TMEM131L: variants seen among roughly 807,000 people sequenced by gnomAD.
TMEM131L encodes transmembrane protein 131-like.
A neutral mutation model predicts 192.2 loss-of-function variants in TMEM131L; 54 were observed. The ratio of observed to expected loss-of-function variants is 0.28; its 90% CI spans 0.23 to 0.35. TMEM131L has a LOEUF of 0.35. TMEM131L is among the 10% of genes least tolerant of loss of function. The pLI, the probability that TMEM131L is intolerant of heterozygous loss-of-function variation, is 1.00. For synonymous variants in TMEM131L, 701 were observed against 704.9 expected, an observed-to-expected ratio of 0.99 and a Z score of 0.09; for missense variants, 1,888 against 1,972.9, an observed-to-expected ratio of 0.96 and a Z score of 0.82.
At chr4:153,587,935 A>G (rs1730808918) in intron 15 of TMEM131L, 124 bp downstream of exon 15, 2 of 747,200 alleles carry the variant, frequency 2.7e-6, no homozygotes, top group Middle Eastern at 2.4e-4. Context: ...TATAGAGAGG[A>G]TGATCATTAA....
chr4:153,585,421 A>G (rs1478203618), intron 12 of TMEM131L, 37 bp from the exon 13 acceptor site: 1 of 1,607,482 alleles, frequency 6.2e-7, no homozygotes, highest in African/African-American at 1.3e-5. Context: ...GTTGTCCCAC[A>G]CTCAGGCCTG....
chr4:153,594,826 G>A (rs767500158), intron 19 of TMEM131L, among the ~76,000 whole-genome samples: 8 of 152,122 alleles, frequency 5.3e-5, no homozygotes, highest in Non-Finnish European at 7.4e-5. Context: ...TCTTGTTAGC[G>A]AGTCTGCCCC....
chr4:153,587,379 ATC>A (rs1419220910), intron 14 of TMEM131L, among the ~76,000 whole-genome samples: 1 of 151,996 alleles, frequency 6.6e-6, no homozygotes, highest in Admixed American at 6.5e-5. Context: ...GACTAATCTA[ATC>A]TTTTTTTTTT....
At chr4:153,550,428 G>A (rs1435007673) in intron 4 of TMEM131L, among the ~76,000 whole-genome samples, 1 of 151,982 alleles carries the variant, frequency 6.6e-6, no homozygotes, top group Non-Finnish European at 1.5e-5. Context: ...CCGGGTTTAC[G>A]CCATTCTCCT....
intron 3 of TMEM131L, among the ~76,000 whole-genome samples, chr4:153,526,558 C>A (rs1250635840): frequency 6.6e-6 from 1 of 151,984 alleles, no homozygotes; most frequent in Non-Finnish European, 1.5e-5. Flanking sequence ...CACGGTGAAA[C>A]CCCGTCTCTA....
chr4:153,600,368 GAAAA>G (rs34507956), intron 21 of TMEM131L, among the ~76,000 whole-genome samples: 10 of 125,750 alleles, frequency 8.0e-5, no homozygotes, highest in African/African-American at 3.0e-4. Context: ...CCCTGTCTCA[GAAAA>G]AAAAAAAAAA....
chr4:153,557,544 A>G (rs1728556531), intron 6 of TMEM131L, among the ~76,000 whole-genome samples: 1 of 152,186 alleles, frequency 6.6e-6, no homozygotes, highest in Admixed American at 6.5e-5. Flanking sequence ...TATTCATATC[A>G]AGGTACCAGG....
chr4:153,532,960 A>G (rs1736016081), intron 3 of TMEM131L, among the ~76,000 whole-genome samples: 1 of 149,134 alleles, frequency 6.7e-6, no homozygotes, highest in South Asian at 2.1e-4. Context: ...AGGTGGATTT[A>G]GGGATTCTCT....
At chr4:153,533,656 T>TG (rs1244599541) in intron 3 of TMEM131L, among the ~76,000 whole-genome samples, 1 of 152,218 alleles carries the variant, frequency 6.6e-6, no homozygotes, top group Non-Finnish European at 1.5e-5. Context: ...GTTACCAACT[T>TG]GGACCTCCTC....
At chr4:153,599,323 A>T (rs1230796560) in intron 21 of TMEM131L, among the ~76,000 whole-genome samples, 3 of 152,166 alleles carry the variant, frequency 2.0e-5, no homozygotes, top group Non-Finnish European at 4.4e-5. Flanking sequence ...CACCGCCATG[A>T]TCCATTGACC....
In TMEM131L at chr4:153,473,248, G is replaced by A. The variant is rs572692476; in HGVS notation, c.196-597G>A. On this transcript the variant is annotated intron_variant, in intron 2 of 34. Transcript: ENST00000409959. ...GCTGGGTCCTTACTGTGTGATAAGG[G>A]TGATAAGGAGTGAATGATATGAGGA... Among the ~76,000 whole-genome samples the A allele has an allele frequency of 1.3e-4, 20 of 152,346 alleles. No homozygotes were observed. The South Asian group carries it at 2.3e-3, about 17-fold the overall frequency.
At chr4:153,556,045 GT>G in intron 5 of TMEM131L, 135 bp downstream of exon 5, 1 of 478,994 alleles carries the variant, frequency 2.1e-6, no homozygotes, top group Non-Finnish European at 2.7e-6. Context: ...CCTTCTGTGT[GT>G]TTACCTTAGC....
At chr4:153,624,772 G>T (rs1733712526) in intron 29 of TMEM131L, among the ~76,000 whole-genome samples, 1 of 152,150 alleles carries the variant, frequency 6.6e-6, no homozygotes, top group South Asian at 2.1e-4. Flanking sequence ...TTCTCCTCAT[G>T]GGCTGTTCTA....
At chr4:153,595,243 A>G (rs1181095887) in intron 19 of TMEM131L, among the ~76,000 whole-genome samples, 1 of 152,178 alleles carries the variant, frequency 6.6e-6, no homozygotes, top group Admixed American at 6.5e-5. Flanking sequence ...ATTTGCTTTT[A>G]GAAATATAGT....
At chr4:153,476,031 C>T (rs1264059100) in intron 3 of TMEM131L, among the ~76,000 whole-genome samples, 1 of 150,628 alleles carries the variant, frequency 6.6e-6, no homozygotes, top group South Asian at 2.1e-4. Context: ...TGATCTCGGC[C>T]TACTGCAACC....
intron 3 of TMEM131L, among the ~76,000 whole-genome samples, chr4:153,525,391 G>A (rs998901536): frequency 1.3e-5 from 2 of 152,186 alleles, no homozygotes; most frequent in South Asian, 4.2e-4. Context: ...CCAGGCTGGA[G>A]TGCAGTGGCG....
chr4:153,620,205 T>C (rs917010143), intron 26 of TMEM131L, among the ~76,000 whole-genome samples: 6 of 152,212 alleles, frequency 3.9e-5, no homozygotes, highest in East Asian at 1.9e-4. Context: ...ATGTATATAA[T>C]GTTTATGCAT....
intron 26 of TMEM131L, 41 bp downstream of exon 26, chr4:153,612,441 T>C (rs936750672): frequency 7.4e-6 from 11 of 1,480,642 alleles, no homozygotes; most frequent in Non-Finnish European, 9.2e-6. Context: ...CAAAATCCAT[T>C]TTTAGGACTG....
Position 153,603,869 on chromosome 4 carries a change from C to T in TMEM131L, c.2857C>T (p.Pro953Ser). 1.2e-6 allele frequency: 2 copies of T among 1,613,914 alleles called. No homozygotes were observed. Among genetic ancestry groups the T allele is most frequent in the Non-Finnish European group, 1.7e-6 (2 of 1,179,864 alleles). The change falls in exon 25 of 35, where the codon CCA (proline) becomes TCA (serine). Residue 953 changes from proline to serine, a missense_variant. Pro to Ser is a moderately conservative substitution (Grantham distance 74). Transcript: ENST00000409959. The part of the protein sequence containing the change: ...SDKGRGKNCL[P>S]VNTPQSRIQN... ...TAAAGGCAGGGGGAAGAACTGCCTT[C>T]CAGTGAACACTCCCCAAAGCAGGAT... is the stretch of plus-strand genomic sequence containing the variant.
Sources: gnomAD v4.1 joint callset for allele counts (sites outside exome capture counted in the v4.1 genomes callset) on GRCh38, gnomAD v4.1.1 for gene constraint, MANE v1.5 for transcripts, NCBI Gene and HGNC (gene_info 2026-07-23, HGNC 2026-07-21) for gene names.